SLC14A2: variants seen among roughly 807,000 people sequenced by gnomAD.
SLC14A2 encodes the protein solute carrier family 14 member 2, also known as urea transporter 2.
SLC14A2 carries 91 observed loss-of-function variants against 104.6 expected under a neutral mutation model. The observed-to-expected ratio is 0.87, with a 90% confidence interval of 0.73 to 1.04. The LOEUF is 1.04. Ranked by LOEUF, SLC14A2 falls within the 50% of genes least tolerant of loss-of-function variation. The pLI, the probability that SLC14A2 is intolerant of heterozygous loss-of-function variation, is 0.00. For synonymous variants in SLC14A2, 476 were observed against 466.4 expected (o/e 1.02, Z -0.27); for missense variants, 1,189 against 1,156.0 (o/e 1.03, Z -0.41).
Position 45,336,714 on chromosome 18 carries a change from T to A in SLC14A2, c.-125+123523T>A, listed in dbSNP as rs114597626. On this transcript the variant is annotated intron_variant, in intron 1 of 20. Transcript: ENST00000586448. Reference sequence around the variant, plus strand: ...TGTTCCTCTGGTCCCATATTTCACATGGAAATGTAACAATAACTGCCTATG... The same window carrying A: ...TGTTCCTCTGGTCCCATATTTCACAAGGAAATGTAACAATAACTGCCTATG... Among the ~76,000 whole-genome samples the A allele has an allele frequency of 4.8e-3, 725 of 152,258 alleles. 6 individuals carry two copies. The highest frequency in any genetic ancestry group is 0.017 in the African/African-American group (698 of 41,522).
intron 2 of SLC14A2, among the ~76,000 whole-genome samples, chr18:45,532,242 T>G (rs1242281548): frequency 1.3e-5 from 2 of 152,162 alleles, no homozygotes; most frequent in Non-Finnish European, 2.9e-5. Context: ...GTGAAGAAAG[T>G]CATTGGTAGC....
chr18:45,261,080 G>A (rs914418339), intron 1 of SLC14A2, among the ~76,000 whole-genome samples: 8 of 151,256 alleles, frequency 5.3e-5, no homozygotes, highest in East Asian at 1.9e-4. Context: ...AGTTACATAC[G>A]TATACGTGTG....
intron 1 of SLC14A2, among the ~76,000 whole-genome samples, chr18:45,478,275 C>T (rs566565213): frequency 1.3e-4 from 20 of 152,278 alleles, no homozygotes; most frequent in East Asian, 7.7e-4. Flanking sequence ...GGTGAGGCAA[C>T]GCCCCACCCT....
At chr18:45,289,165 C>T (rs1218581399) in intron 1 of SLC14A2, among the ~76,000 whole-genome samples, 1 of 152,136 alleles carries the variant, frequency 6.6e-6, no homozygotes, top group Admixed American at 6.5e-5. Flanking sequence ...CCATCATTTG[C>T]TTTAATTATT....
intron 2 of SLC14A2, among the ~76,000 whole-genome samples, chr18:45,607,457 A>G (rs1017929130): frequency 1.3e-5 from 2 of 152,154 alleles, no homozygotes; most frequent in African/African-American, 4.8e-5. Context: ...TACCTACCAC[A>G]TAGTTGGTAC....
chr18:45,349,773 G>C (rs2085484466), intron 1 of SLC14A2, among the ~76,000 whole-genome samples: 1 of 152,136 alleles, frequency 6.6e-6, no homozygotes, highest in South Asian at 2.1e-4. Flanking sequence ...GGCAAGAAGT[G>C]GAACGTAGAT....
the SLC14A2 span, among the ~76,000 whole-genome samples, chr18:45,188,870 C>T: frequency 6.6e-6 from 1 of 152,146 alleles, no homozygotes; most frequent in Non-Finnish European, 1.5e-5. Context: ...TGTCAGAAGG[C>T]AATAAAAGGC....
intron 1 of SLC14A2, among the ~76,000 whole-genome samples, chr18:45,316,365 A>T (rs954778106): frequency 1.3e-5 from 2 of 152,158 alleles, no homozygotes; most frequent in Non-Finnish European, 2.9e-5. Flanking sequence ...GGTTGAGATA[A>T]AGGGAAGAGG....
At chr18:45,190,610 G>T in the SLC14A2 span, among the ~76,000 whole-genome samples, 1 of 152,136 alleles carries the variant, frequency 6.6e-6, no homozygotes. Flanking sequence ...TTCACTTCCT[G>T]GTTTGTAATA....
In SLC14A2 at chr18:45,371,013, A is replaced by G. The variant is rs543136012; in HGVS notation, c.-124-112220A>G. ...GCCAATAGCTTGGTTAGGAGAAGAC[A>G]GGCCAGAGAGGCGGGCTGATGGAAT... On this transcript the variant is annotated intron_variant, in intron 1 of 20. Transcript: ENST00000586448. Among the ~76,000 whole-genome samples the G allele has an allele frequency of 3.3e-4, 50 of 152,194 alleles. 1 individual carries two copies. The highest frequency in any genetic ancestry group is 3.9e-4 in the Admixed American group (6 of 15,280).
intron 10 of SLC14A2, chr18:45,646,381 G>C (rs141692199): frequency 6.6e-6 from 1 of 152,212 alleles, no homozygotes; most frequent in African/African-American, 2.4e-5. Context: ...TTCTCTGCCG[G>C]GTTTCCAGAA....
intron 1 of SLC14A2, among the ~76,000 whole-genome samples, chr18:45,222,456 A>G (rs2084072277): frequency 6.6e-6 from 1 of 152,184 alleles, no homozygotes; most frequent in South Asian, 2.1e-4. Context: ...GACATGTGAG[A>G]AGTACAGACA....
At chr18:45,268,638 A>G (rs2084617608) in intron 1 of SLC14A2, among the ~76,000 whole-genome samples, 6 of 152,220 alleles carry the variant, frequency 3.9e-5, no homozygotes. Flanking sequence ...AGCACCTAGT[A>G]TAAGCAATTA....
chr18:45,663,495 AAAT>A (rs1279641987), intron 10 of SLC14A2, among the ~76,000 whole-genome samples: 4 of 152,232 alleles, frequency 2.6e-5, no homozygotes, highest in Non-Finnish European at 5.9e-5. Context: ...AGTTGCAGCT[AAAT>A]GGGTCTTAGA....
At chr18:45,398,664 G>A (rs2144442776) in intron 1 of SLC14A2, among the ~76,000 whole-genome samples, 1 of 152,250 alleles carries the variant, frequency 6.6e-6, no homozygotes, top group South Asian at 2.1e-4. Flanking sequence ...GATTAACCTT[G>A]AGGACATTAT....
chr18:45,559,661 G>C (rs950017702), intron 2 of SLC14A2, among the ~76,000 whole-genome samples: 2 of 152,206 alleles, frequency 1.3e-5, no homozygotes, highest in Non-Finnish European at 2.9e-5. Context: ...ACTTGGATTT[G>C]TACCAAAGCC....
intron 2 of SLC14A2, among the ~76,000 whole-genome samples, chr18:45,582,367 GC>G (rs2044505413): frequency 6.6e-6 from 1 of 152,124 alleles, no homozygotes; most frequent in African/African-American, 2.4e-5. Flanking sequence ...TAGAAATTTT[GC>G]ACTTTAGGAC....
At chr18:45,236,519 A>ATGTGTATATATGTATATATACATGTATG (rs1229842403) in intron 1 of SLC14A2, among the ~76,000 whole-genome samples, 1 of 96,374 alleles carries the variant, frequency 1.0e-5, no homozygotes, top group Non-Finnish European at 2.0e-5. Context: ...GTGTGTATAT[A>ATGTGTATATATGTATATATACATGTATG]TGTGTATATA....
intron 1 of SLC14A2, among the ~76,000 whole-genome samples, chr18:45,412,675 CACAT>C (rs1204880523): frequency 1.3e-5 from 2 of 152,190 alleles, no homozygotes; most frequent in Admixed American, 1.3e-4. Context: ...GTCACTAGCA[CACAT>C]CATGGTGGAT....
Sources: gnomAD v4.1 joint callset for allele counts (sites outside exome capture counted in the v4.1 genomes callset) on GRCh38, gnomAD v4.1.1 for gene constraint, MANE v1.5 for transcripts, NCBI Gene and HGNC (gene_info 2026-07-23, HGNC 2026-07-21) for gene names.